The following ST6GALNAC5 variants were observed in gnomAD, a reference collection of about 807,000 sequenced individuals.
The protein encoded by ST6GALNAC5 is alpha-N-acetylgalactosaminide alpha-2,6-sialyltransferase 5.
In ST6GALNAC5, 27 loss-of-function variants were observed where a neutral mutation model predicts 33.6. The ratio of observed to expected loss-of-function variants is 0.80; its 90% CI spans 0.59 to 1.11. The LOEUF (loss-of-function observed/expected upper bound fraction) is 1.11, where lower values mean the gene tolerates loss of function less well. ST6GALNAC5 is among the 50% of genes least tolerant of loss of function. ST6GALNAC5 has a pLI of 0.00. For missense variants in ST6GALNAC5, 428 were observed against 454.0 expected (o/e 0.94, Z 0.52); for synonymous variants, 194 against 171.2 (o/e 1.13, Z -1.04).
chr1:76,878,959 G>C (rs1312700600), intron 2 of ST6GALNAC5, among the ~76,000 whole-genome samples: 1 of 152,066 alleles, frequency 6.6e-6, no homozygotes, highest in Non-Finnish European at 1.5e-5. Flanking sequence ...CCATCACTTG[G>C]CCCCTGCCAC....
At chr1:77,028,911 G>A (rs1651347195) in intron 2 of ST6GALNAC5, among the ~76,000 whole-genome samples, 1 of 152,166 alleles carries the variant, frequency 6.6e-6, no homozygotes, top group African/African-American at 2.4e-5. Context: ...TGGAATGTTG[G>A]GTTGGCTGTC....
intron 2 of ST6GALNAC5, among the ~76,000 whole-genome samples, chr1:76,945,337 T>C (rs1417091404): frequency 6.6e-6 from 1 of 151,270 alleles, no homozygotes; most frequent in Non-Finnish European, 1.5e-5. Context: ...AGCATCATTC[T>C]AGAAAATGCA....
At chr1:76,913,457 T>C (rs1646935033) in intron 2 of ST6GALNAC5, among the ~76,000 whole-genome samples, 1 of 152,060 alleles carries the variant, frequency 6.6e-6, no homozygotes, top group Non-Finnish European at 1.5e-5. Flanking sequence ...TGAATCTGAA[T>C]GTTGGCCTGC....
chr1:76,942,734 GGCA>G, intron 2 of ST6GALNAC5, among the ~76,000 whole-genome samples: 1 of 152,144 alleles, frequency 6.6e-6, no homozygotes, highest in Non-Finnish European at 1.5e-5. Flanking sequence ...GACTCCAAAA[GGCA>G]GCTGGATGAG....
rs540517022 is a variant in ST6GALNAC5, at chr1:77,061,725, T to A, written c.780-1250T>A. Reference sequence around the variant, plus strand: ...TAGACTGGCCTGTTTTAGAAACCAGTCTGAGACCAAGACTCTTTAGTGCGT... The same window carrying A: ...TAGACTGGCCTGTTTTAGAAACCAGACTGAGACCAAGACTCTTTAGTGCGT... On this transcript the variant is annotated intron_variant, in intron 4 of 4. Transcript: ENST00000477717. Among the ~76,000 whole-genome samples the A allele has an allele frequency of 1.2e-3, 177 of 152,308 alleles. 1 individual carries two copies. The highest frequency in any genetic ancestry group is 8.7e-3 in the South Asian group (42 of 4,824).
chr1:76,891,060 G>C (rs550867473), intron 2 of ST6GALNAC5, among the ~76,000 whole-genome samples: 1 of 152,152 alleles, frequency 6.6e-6, no homozygotes, highest in African/African-American at 2.4e-5. Flanking sequence ...GTACAAGTTT[G>C]TGTAGGGGAC....
chr1:77,038,031 G>A (rs1387145441), intron 2 of ST6GALNAC5, among the ~76,000 whole-genome samples: 1 of 152,196 alleles, frequency 6.6e-6, no homozygotes. Context: ...GAAAAGCTAA[G>A]CAACTTTGCT....
rs1489311262 is a variant in ST6GALNAC5, at chr1:77,067,285, A to ACTC, written c.*4080_*4082dup. On this transcript the variant is annotated 3_prime_UTR_variant, in exon 5 of 5. Coordinates refer to ENST00000477717, the MANE Select transcript of ST6GALNAC5 (RefSeq NM_030965.3). ...AAGTGTAGCCCCTCTTTTGTAGCTC[A>ACTC]CTCATCCCACCTTCTCAGGGTGTTG... Among the ~76,000 whole-genome samples, 1 of 152,198 alleles carries ACTC rather than the reference A, an allele frequency of 6.6e-6. No individual in the cohort carries two copies. Among genetic ancestry groups the ACTC allele is most frequent in the Non-Finnish European group, 1.5e-5 (1 of 68,032 alleles).
At chr1:76,881,557 C>T (rs1025710155) in intron 2 of ST6GALNAC5, among the ~76,000 whole-genome samples, 2 of 152,128 alleles carry the variant, frequency 1.3e-5, no homozygotes, top group African/African-American at 4.8e-5. Context: ...TCTTGGAAAC[C>T]AGGCATTTTT....
intron 2 of ST6GALNAC5, among the ~76,000 whole-genome samples, chr1:76,879,407 A>G (rs1031310680): frequency 6.6e-6 from 1 of 152,114 alleles, no homozygotes; most frequent in Non-Finnish European, 1.5e-5. Flanking sequence ...TGTTCCTTCC[A>G]CCATTGTCCC....
Position 77,043,984 on chromosome 1 carries a change from A to G in ST6GALNAC5, c.262-220A>G, listed in dbSNP as rs376601541. ...CCCTTAGTTCAGTGTTTGACAGGTC[A>G]GTGCTAGCTCCCTTTTGCTCTTGTC... is the stretch of plus-strand genomic sequence containing the variant. On this transcript the variant is annotated intron_variant, in intron 2 of 4. Transcript: ENST00000477717. Among the ~76,000 whole-genome samples the G allele has an allele frequency of 4.6e-5, 7 of 152,196 alleles. No individual in the cohort carries two copies. The East Asian group carries it at 5.8e-4, about 13-fold the overall frequency.
chr1:76,949,529 G>A (rs980350261), intron 2 of ST6GALNAC5, among the ~76,000 whole-genome samples: 3 of 152,098 alleles, frequency 2.0e-5, no homozygotes, highest in African/African-American at 7.2e-5. Context: ...TGGCCTCTCT[G>A]AGCTCCAGTT....
At chr1:76,963,093 A>T (rs1648307473) in intron 2 of ST6GALNAC5, among the ~76,000 whole-genome samples, 1 of 152,138 alleles carries the variant, frequency 6.6e-6, no homozygotes, top group African/African-American at 2.4e-5. Context: ...AGAATAGAAA[A>T]CCAGGGAGGT....
rs547691119 is a variant in ST6GALNAC5 at position 76,901,461 on chromosome 1, A to T, written c.261+32719A>T. On this transcript the variant is annotated intron_variant, in intron 2 of 4. Transcript: ENST00000477717. ...AGCATTCAAGTCAGGCTGTGGTGATATATGTTCTCAGAGTCTACCATAGTA... is the reference window on the plus strand; with the variant it reads ...AGCATTCAAGTCAGGCTGTGGTGATTTATGTTCTCAGAGTCTACCATAGTA... Among the ~76,000 whole-genome samples the T allele has an allele frequency of 1.3e-4, 20 of 152,340 alleles. 1 individual carries two copies. Among genetic ancestry groups the T allele is most frequent in the Middle Eastern group, 3.4e-3 (1 of 294 alleles).
At chr1:77,005,030 CT>C (rs1650340425) in intron 2 of ST6GALNAC5, among the ~76,000 whole-genome samples, 1 of 151,406 alleles carries the variant, frequency 6.6e-6, no homozygotes. Context: ...CCAGTTCGAG[CT>C]TCCTGGCTGC....
At chr1:77,024,910 C>A (rs1287100849) in intron 2 of ST6GALNAC5, among the ~76,000 whole-genome samples, 1 of 152,202 alleles carries the variant, frequency 6.6e-6, no homozygotes, top group Non-Finnish European at 1.5e-5. Context: ...TGTGACCCAC[C>A]TTCCTTAGTC....
At chr1:77,017,447 G>A (rs1650893217) in intron 2 of ST6GALNAC5, among the ~76,000 whole-genome samples, 1 of 152,162 alleles carries the variant, frequency 6.6e-6, no homozygotes, top group African/African-American at 2.4e-5. Context: ...GGCTGGCATG[G>A]GTGAGGGTCA....
chr1:76,950,362 A>C (rs1417826057), intron 2 of ST6GALNAC5, among the ~76,000 whole-genome samples: 1 of 152,108 alleles, frequency 6.6e-6, no homozygotes, highest in African/African-American at 2.4e-5. Flanking sequence ...TATGTGTATT[A>C]TATGTAATAT....
intron 2 of ST6GALNAC5, among the ~76,000 whole-genome samples, chr1:77,034,277 C>T (rs1557768855): frequency 6.6e-6 from 1 of 151,954 alleles, no homozygotes; most frequent in Non-Finnish European, 1.5e-5. Flanking sequence ...GATGCATCAC[C>T]CCAATCTCTG....
Sources: gnomAD v4.1 joint callset for allele counts (sites outside exome capture counted in the v4.1 genomes callset) on GRCh38, gnomAD v4.1.1 for gene constraint, MANE v1.5 for transcripts, NCBI Gene and HGNC (gene_info 2026-07-23, HGNC 2026-07-21) for gene names.